The following AHI1 variants were observed in gnomAD, a reference collection of about 807,000 sequenced individuals.
AHI1 encodes Abelson helper integration site 1.
Under a neutral mutation model 149.3 loss-of-function variants are expected in AHI1, and 123 were observed. The observed-to-expected ratio is 0.82, with a 90% CI of 0.71 to 0.96. AHI1 has a LOEUF of 0.96. Among genes scored for constraint, AHI1 ranks in the 40% least tolerant of loss-of-function variants. AHI1 has a pLI of 0.00. For synonymous variants in AHI1, 475 were observed against 459.8 expected, an observed-to-expected ratio of 1.03 and a Z score of -0.42; for missense variants, 1,439 against 1,422.7, an observed-to-expected ratio of 1.01 and a Z score of -0.18.
Position 135,375,314 on chromosome 6 carries a change from C to T in AHI1, c.3110-17127G>A, listed in dbSNP as rs573159931. On this transcript the variant is annotated intron_variant, in intron 23 of 28. Transcript: ENST00000265602. ...TAAAAAAATCCCGAGGGGAAAAAAA[C>T]GAGCAACCACTGGAAATAAACACTA... Among the ~76,000 whole-genome samples, 8 of 151,582 alleles carry T rather than the reference C, an allele frequency of 5.3e-5. No homozygotes were observed. In the East Asian group the frequency reaches 9.7e-4, roughly 18 times the overall value.
At chr6:135,404,594 C>G (rs536123796) in intron 22 of AHI1, among the ~76,000 whole-genome samples, 37 of 152,310 alleles carry the variant, frequency 2.4e-4, no homozygotes, top group African/African-American at 8.9e-4. Context: ...AATGCTTATA[C>G]AGTTTACTCA....
chr6:135,492,729 C>T (rs772484350), intron 3 of AHI1: 7 of 985,210 alleles, frequency 7.1e-6, no homozygotes, highest in African/African-American at 1.7e-5. Context: ...AATTTAAATA[C>T]CTCTGTGTCT....
chr6:135,357,105 AC>A lies in AHI1; in HGVS notation c.3165+1026del, dbSNP rs372594700. Among the ~76,000 whole-genome samples, 250 of 152,090 alleles carry A rather than the reference AC, an allele frequency of 1.6e-3. 1 individual carries two copies. Among genetic ancestry groups the A allele is most frequent in the African/African-American group, 5.8e-3 (240 of 41,490 alleles). ...AGGCATGCACCACCATGCCCAGATAACTTTTTGTATTTTAGTAGAGATGGGG... is the reference window on the plus strand; with the variant it reads ...AGGCATGCACCACCATGCCCAGATAATTTTTGTATTTTAGTAGAGATGGGG... On this transcript the variant is annotated intron_variant, in intron 24 of 28. Transcript: ENST00000265602.
intron 28 of AHI1, among the ~76,000 whole-genome samples, chr6:135,287,465 C>T (rs1781826944): frequency 6.6e-6 from 1 of 152,152 alleles, no homozygotes; most frequent in Non-Finnish European, 1.5e-5. Flanking sequence ...GCGGCTCCTC[C>T]TGACGATGGG....
intron 11 of AHI1, among the ~76,000 whole-genome samples, chr6:135,450,044 G>A (rs1335978393): frequency 6.6e-6 from 1 of 152,116 alleles, no homozygotes; most frequent in East Asian, 1.9e-4. Context: ...ATGTCCAGCA[G>A]GTGACTGAAT....
intron 22 of AHI1, among the ~76,000 whole-genome samples, chr6:135,398,635 T>G (rs1267148630): frequency 1.3e-5 from 2 of 152,188 alleles, no homozygotes; most frequent in African/African-American, 4.8e-5. Context: ...GCAATATTCT[T>G]TAGGGTAAAG....
At chr6:135,403,340 TA>T (rs1780289852) in intron 22 of AHI1, among the ~76,000 whole-genome samples, 3 of 152,168 alleles carry the variant, frequency 2.0e-5, no homozygotes, top group South Asian at 2.1e-4. Flanking sequence ...AAAACTATTA[TA>T]AAAAAAGAAT....
At chr6:135,492,396 A>G in intron 3 of AHI1, 105 bp from the exon 4 acceptor site, 1 of 1,347,108 alleles carries the variant, frequency 7.4e-7, no homozygotes, top group East Asian at 2.8e-5. Context: ...TACTTCATTA[A>G]GTTTATACCA....
At chr6:135,464,469 A>G in intron 7 of AHI1, among the ~76,000 whole-genome samples, 1 of 152,150 alleles carries the variant, frequency 6.6e-6, no homozygotes, top group Non-Finnish European at 1.5e-5. Flanking sequence ...CCACCTCTTC[A>G]TATTCATGTC....
At chr6:135,344,277 T>A (rs1790822104) in intron 24 of AHI1, among the ~76,000 whole-genome samples, 1 of 151,840 alleles carries the variant, frequency 6.6e-6, no homozygotes, top group African/African-American at 2.4e-5. Flanking sequence ...GAGGGCTAAA[T>A]GTATCTAGTA....
At chr6:135,321,257 C>T (rs970072334) in intron 25 of AHI1, among the ~76,000 whole-genome samples, 4 of 150,482 alleles carry the variant, frequency 2.7e-5, no homozygotes, top group African/African-American at 4.9e-5. Context: ...AGTGAGGCCC[C>T]GTCTCAGAAA....
At chr6:135,308,907 G>C (rs1191401887) in intron 26 of AHI1, among the ~76,000 whole-genome samples, 1 of 152,196 alleles carries the variant, frequency 6.6e-6, no homozygotes, top group Non-Finnish European at 1.5e-5. Context: ...TGGATAAACT[G>C]AGAAGATAAG....
At chr6:135,380,733 C>T (rs1201589531) in intron 23 of AHI1, among the ~76,000 whole-genome samples, 8 of 78,706 alleles carry the variant, frequency 1.0e-4, no homozygotes, top group Non-Finnish European at 1.6e-4. Context: ...GTAAAATAAC[C>T]CCCCCCCCCC....
chr6:135,349,327 A>G (rs1463678351), intron 24 of AHI1, among the ~76,000 whole-genome samples: 1 of 152,210 alleles, frequency 6.6e-6, no homozygotes, highest in Non-Finnish European at 1.5e-5. Context: ...TGAAATGAAG[A>G]AAAAAGATTA....
chr6:135,478,339 C>T (rs1793051977), intron 5 of AHI1, among the ~76,000 whole-genome samples: 1 of 152,160 alleles, frequency 6.6e-6, no homozygotes, highest in African/African-American at 2.4e-5. Flanking sequence ...GATGGCCAGG[C>T]TGACGAGGTC....
In AHI1 at chr6:135,364,569, G is replaced by A. The variant is rs1354514895; in HGVS notation, c.3110-6382C>T. On this transcript the variant is annotated intron_variant, in intron 23 of 28. Coordinates refer to ENST00000265602, the MANE Select transcript of AHI1 (RefSeq NM_001134831.2). ...TGGGAGGTGGAGGTTGTAGCGAGCC[G>A]AGATCACGCCACTGCACTCCAGCCT... Among the ~76,000 whole-genome samples, 16 of 151,280 alleles carry A rather than the reference G, an allele frequency of 1.1e-4. 1 individual carries two copies. The highest frequency in any genetic ancestry group is 6.3e-4 in the South Asian group (3 of 4,780).
At position 135,340,451 on chromosome 6, in the gene AHI1, A is replaced by T. The variant is rs183240883; in HGVS notation, c.3166-17127T>A. On this transcript the variant is annotated intron_variant, in intron 24 of 28. Transcript: ENST00000265602. ...TCCTGGGTTACTGAAAAAATAAATT[A>T]AAAAAAGGTGAAATAAATACATTGC... Among the ~76,000 whole-genome samples, 61 of 151,638 alleles carry T rather than the reference A, an allele frequency of 4.0e-4. 1 individual carries two copies. The highest frequency in any genetic ancestry group is 1.3e-3 in the African/African-American group (54 of 41,424).
chr6:135,453,137 T>C (rs886580904), intron 11 of AHI1, among the ~76,000 whole-genome samples: 2 of 152,122 alleles, frequency 1.3e-5, no homozygotes, highest in African/African-American at 4.8e-5. Context: ...CAGAACCAAA[T>C]AGTGTAACTG....
chr6:135,332,162 C>T (rs1012058992), intron 24 of AHI1, among the ~76,000 whole-genome samples: 8 of 151,964 alleles, frequency 5.3e-5, no homozygotes, highest in African/African-American at 1.4e-4. Context: ...CTCCGTCTCC[C>T]GGGTTCAAGC....
Sources: gnomAD v4.1 joint callset for allele counts (sites outside exome capture counted in the v4.1 genomes callset) on GRCh38, gnomAD v4.1.1 for gene constraint, MANE v1.5 for transcripts, NCBI Gene and HGNC (gene_info 2026-07-23, HGNC 2026-07-21) for gene names.